Variants in ZNF43 observed in about 807,000 individuals in gnomAD.
ZNF43 encodes the protein zinc finger protein 39-like 1 (KOX 27).
ZNF43 carries 44 observed loss-of-function variants against 68.4 expected under a neutral mutation model. The ratio of observed to expected loss-of-function variants is 0.64; its 90% CI spans 0.51 to 0.83. The LOEUF (loss-of-function observed/expected upper bound fraction) is 0.83. Ranked by LOEUF, ZNF43 falls within the 40% of genes least tolerant of loss-of-function variation. The pLI is 0.00. For synonymous variants in ZNF43, 308 were observed against 307.8 expected (o/e 1.00, Z -0.01); for missense variants, 896 against 933.2 (o/e 0.96, Z 0.52).
At chr19:21,844,201 C>G (rs1020684825) in intron 1 of ZNF43, among the ~76,000 whole-genome samples, 1 of 151,622 alleles carries the variant, frequency 6.6e-6, no homozygotes, top group Admixed American at 6.6e-5. Flanking sequence ...AACCTTATCT[C>G]TACTAAAAAT....
chr19:21,848,209 T>A (rs997124031), intron 1 of ZNF43, among the ~76,000 whole-genome samples: 1 of 152,134 alleles, frequency 6.6e-6, no homozygotes, highest in Non-Finnish European at 1.5e-5. Context: ...AGTGGTGTCA[T>A]GTCGGCTCAC....
chr19:21,818,812 G>C (rs2037655312), intron 2 of ZNF43, among the ~76,000 whole-genome samples: 1 of 152,000 alleles, frequency 6.6e-6, no homozygotes, highest in Admixed American at 6.6e-5. Flanking sequence ...ATTAATGTTG[G>C]CAATTAGATT....
At chr19:21,826,667 C>T (rs190990949) in intron 1 of ZNF43, 99 of 152,310 alleles carry the variant, frequency 6.5e-4, no homozygotes, top group Admixed American at 5.2e-4. Context: ...GAAACCCCAT[C>T]TATACTAAAA....
chr19:21,816,768 A>G (rs1030148840), intron 3 of ZNF43, among the ~76,000 whole-genome samples: 5 of 152,126 alleles, frequency 3.3e-5, no homozygotes, highest in Admixed American at 1.3e-4. Context: ...CTCATCCACA[A>G]CCTGATATAA....
At position 21,835,764 on chromosome 19, in the gene ZNF43, C is replaced by T. The variant is rs540041221; in HGVS notation, c.3+272G>A. ...GTCAGGATTCTCTCCTGACGACCCT[C>T]CTGTGGCCCCTGCACAATTTGGGAG... On this transcript the variant is annotated intron_variant, in intron 1 of 3. Coordinates refer to ENST00000354959, the MANE Select transcript of ZNF43 (RefSeq NM_003423.4). Among the ~76,000 whole-genome samples, 245 of 152,342 alleles carry T rather than the reference C, an allele frequency of 1.6e-3. 2 individuals are homozygous for T. The highest frequency in any genetic ancestry group is 6.8e-3 in the Middle Eastern group (2 of 294).
At position 21,809,371 on chromosome 19, in the gene ZNF43, T is replaced by C; in HGVS notation, c.666A>G (p.Arg222=). 1 of 1,613,708 alleles carries C rather than the reference T, an allele frequency of 6.2e-7. No individual in the cohort carries two copies. The highest frequency in any genetic ancestry group is 8.5e-7 in the Non-Finnish European group (1 of 1,179,864). ...NCPSIITKHK[R]INTGEKPYTC... is the part of the protein sequence containing the mutation. ...TGTAGGGTTTCTCTCCAGTATTAATTCTCTTATGTTTAGTGATGATTGAAG... is the reference window on the plus strand; with the variant it reads ...TGTAGGGTTTCTCTCCAGTATTAATCCTCTTATGTTTAGTGATGATTGAAG... Residue 222 remains arginine (R), a synonymous_variant, in exon 4 of 4, where the codon AGA becomes AGG. Coordinates refer to ENST00000354959, the MANE Select transcript of ZNF43 (RefSeq NM_003423.4).
At chr19:21,844,580 A>T (rs1436228958) in intron 1 of ZNF43, among the ~76,000 whole-genome samples, 2 of 151,938 alleles carry the variant, frequency 1.3e-5, no homozygotes, top group Non-Finnish European at 2.9e-5. Flanking sequence ...GAATCATCAT[A>T]GTAATTTGTA....
At chr19:21,850,245 A>C (rs1968254022) in intron 1 of ZNF43, among the ~76,000 whole-genome samples, 1 of 152,196 alleles carries the variant, frequency 6.6e-6, no homozygotes, top group Non-Finnish European at 1.5e-5. Flanking sequence ...ATGCAGAGAT[A>C]TGTCACAAGG....
chr19:21,845,984 T>C (rs1027035378), intron 1 of ZNF43, among the ~76,000 whole-genome samples: 1 of 151,258 alleles, frequency 6.6e-6, no homozygotes, highest in Admixed American at 6.6e-5. Context: ...TCTTTTTTTG[T>C]TCAGAGTCCA....
At chr19:21,828,823 G>C (rs369721909) in intron 1 of ZNF43, among the ~76,000 whole-genome samples, 34 of 151,676 alleles carry the variant, frequency 2.2e-4, no homozygotes, top group African/African-American at 7.2e-4. Flanking sequence ...CACGAGGTCA[G>C]GAGATCGAGA....
In ZNF43 at chr19:21,809,111, G is replaced by A; in HGVS notation, c.926C>T (p.Pro309Leu). 1 of 1,613,540 alleles carries A rather than the reference G, an allele frequency of 6.2e-7. No individual in the cohort carries two copies. Among genetic ancestry groups the A allele is most frequent in the Non-Finnish European group, 8.5e-7 (1 of 1,179,870 alleles). The change falls in exon 4 of 4, where the codon CCT becomes CTT. Residue 309 changes from proline to leucine, a missense_variant. Physicochemically the swap from Pro to Leu is moderately conservative, Grantham distance 98. Transcript: ENST00000354959. ...SNLTEHKKIH[P>L]GEKPYKCEEC... The stretch of plus-strand genomic sequence containing the variant: ...TTCACATTTGTAAGGTTTCTCTCCA[G>A]GATGAATTTTCTTATGTTCAGTAAG...
At chr19:21,815,661 G>T (rs1471325055) in intron 3 of ZNF43, among the ~76,000 whole-genome samples, 1 of 151,894 alleles carries the variant, frequency 6.6e-6, no homozygotes, top group Non-Finnish European at 1.5e-5. Flanking sequence ...AGTAAATATG[G>T]AGTGCTTACT....
At chr19:21,836,463 T>C (rs2145359288), upstream of ZNF43, among the ~76,000 whole-genome samples, 1 of 152,370 alleles carries the variant, frequency 6.6e-6, no homozygotes, top group African/African-American at 2.4e-5. Context: ...ATAAGTAATA[T>C]ACTATATGGA....
Position 21,817,968 on chromosome 19 carries a change from G to C in ZNF43, c.149C>G (p.Pro50Arg). Residue 50 changes from proline (P) to arginine (R), a missense_variant, in exon 3 of 4, where the codon CCA becomes CGA. Pro to Arg is a moderately radical substitution (Grantham distance 103). Coordinates refer to ENST00000354959, the MANE Select transcript of ZNF43 (RefSeq NM_003423.4). ...LVFLGIAVSK[P>R]DLITCLEQEK... ...TTGCTCCAGACAGGTGATCAGGTCT[G>C]GCTTAGAGACAGCAATACCTGTTTC... The C allele has an allele frequency of 6.2e-7, 1 of 1,613,150 alleles. No homozygotes were observed. The highest frequency in any genetic ancestry group is 8.5e-7 in the Non-Finnish European group (1 of 1,179,498).
intron 1 of ZNF43, chr19:21,827,355 C>G (rs1051123994): frequency 6.6e-6 from 1 of 151,148 alleles, no homozygotes; most frequent in African/African-American, 2.4e-5. Flanking sequence ...AACTGAAGAG[C>G]TACTATGTGG....
chr19:21,829,093 T>G lies in ZNF43; in HGVS notation c.3+6943A>C, dbSNP rs570932717. Among the ~76,000 whole-genome samples the G allele has an allele frequency of 1.1e-4, 15 of 141,658 alleles. No homozygotes were observed. In the South Asian group the frequency reaches 3.4e-3, roughly 32 times the overall value. 92.9% of individuals were successfully genotyped at this position (141,658 alleles called of 152,430 possible). ...AGCCGGACGTGGTGGCACGTGCCTG[T>G]AGTCCCAGCTACTCCAGCTACTCAG... On this transcript the variant is annotated intron_variant, in intron 1 of 3. Transcript: ENST00000354959.
intron 1 of ZNF43, among the ~76,000 whole-genome samples, chr19:21,819,971 G>T (rs1599476984): frequency 6.6e-6 from 1 of 151,786 alleles, no homozygotes; most frequent in East Asian, 1.9e-4. Flanking sequence ...GGCTGAGGCA[G>T]GTGGATCACC....
chr19:21,834,038 G>A (rs979961101), intron 1 of ZNF43, among the ~76,000 whole-genome samples: 5 of 151,042 alleles, frequency 3.3e-5, no homozygotes, highest in South Asian at 2.1e-4. Context: ...AAGGCGGGGC[G>A]GGGGAAAAAA....
rs537030263 is a variant in ZNF43 at position 21,845,847 on chromosome 19, T to G, written c.30+6058A>C. On this transcript the variant is annotated intron_variant, in intron 1 of 3. Coordinates refer to the ZNF43 transcript ENST00000357491. ...GGCAGAGGTTGTCATGAGCCGAGAT[T>G]ATGCCATTGCACTCCAGCCTGGGCA... Among the ~76,000 whole-genome samples the G allele has an allele frequency of 2.0e-5, 3 of 150,400 alleles. No homozygotes were observed. In the South Asian group the frequency reaches 6.3e-4, roughly 32 times the overall value.
Sources: allele counts gnomAD v4.1 joint callset (sites outside exome capture counted in the v4.1 genomes callset), GRCh38; gene constraint gnomAD v4.1.1; transcripts MANE v1.5; gene names NCBI Gene and HGNC (gene_info 2026-07-23, HGNC 2026-07-21).